Variants in PHIP observed in about 807,000 individuals in gnomAD.
PHIP encodes PHIP subunit of CUL4-Ring ligase complex.
PHIP carries 54 observed loss-of-function variants against 236.8 expected under a neutral mutation model. The observed-to-expected ratio is 0.23, with a 90% CI of 0.18 to 0.29. The LOEUF is 0.29. Among genes scored for constraint, PHIP ranks in the 10% least tolerant of loss-of-function variants. PHIP has a pLI of 1.00. For missense variants in PHIP, 1,370 were observed against 2,190.8 expected, an observed-to-expected ratio of 0.63 and a Z score of 7.48; for synonymous variants, 756 against 718.9, an observed-to-expected ratio of 1.05 and a Z score of -0.83.
chr6:79,013,830 A>G (rs1562179067), intron 15 of PHIP, among the ~76,000 whole-genome samples: 1 of 151,702 alleles, frequency 6.6e-6, no homozygotes. Flanking sequence ...TATAGCTCAC[A>G]TATTATTTTT....
chr6:78,942,911 T>C (rs1773576248), intron 39 of PHIP, among the ~76,000 whole-genome samples: 2 of 152,188 alleles, frequency 1.3e-5, no homozygotes, highest in Admixed American at 6.5e-5. Flanking sequence ...TAAGAATGAA[T>C]GCAGCTTTCT....
At position 78,941,081 on chromosome 6, in the gene PHIP, T is replaced by C. The variant is rs376750610; in HGVS notation, c.5078A>G (p.Asn1693Ser). The C allele has an allele frequency of 1.1e-5, 18 of 1,614,100 alleles. 1 individual carries two copies. The highest frequency in any genetic ancestry group is 7.7e-5 in the South Asian group (7 of 91,080). Residue 1693 changes from asparagine (N) to serine (S), a missense_variant, in exon 40 of 40, where the codon AAT becomes AGT. Around this residue, in one of 14 missense-constraint regions of PHIP, gnomAD observed 309 missense variants for 328.3 expected, o/e 0.94. Transcript: ENST00000275034. ...TACATTATTAGTTTCAGAAAGAAAATTGCATGTTGAAGAAGGAAGTACTTC... is the reference window on the plus strand; with the variant it reads ...TACATTATTAGTTTCAGAAAGAAAACTGCATGTTGAAGAAGGAAGTACTTC... Reference protein sequence around the residue: ...RDEVLPSSTCNFLSETNNVKE... With the variant: ...RDEVLPSSTCSFLSETNNVKE...
At chr6:78,966,960 T>C (rs994311275) in intron 27 of PHIP, among the ~76,000 whole-genome samples, 3 of 152,258 alleles carry the variant, frequency 2.0e-5, no homozygotes, top group Non-Finnish European at 4.4e-5. Flanking sequence ...GAAATGGTGA[T>C]GTCTACCTCC....
At chr6:78,987,719 T>C (rs1285186557) in intron 21 of PHIP, among the ~76,000 whole-genome samples, 1 of 152,200 alleles carries the variant, frequency 6.6e-6, no homozygotes, top group Non-Finnish European at 1.5e-5. Flanking sequence ...GTAAGGACAG[T>C]AATATTTACT....
intron 35 of PHIP, among the ~76,000 whole-genome samples, chr6:78,952,292 G>A (rs942979889): frequency 4.6e-5 from 7 of 151,622 alleles, no homozygotes; most frequent in African/African-American, 1.7e-4. Context: ...GGTGGCATGC[G>A]CCTATAATCC....
rs1773362071 is a variant in PHIP at position 78,938,712 on chromosome 6, A to G, written c.*1981T>C. 1 of 151,716 alleles carries G rather than the reference A, an allele frequency of 6.6e-6. No homozygotes were observed. Among genetic ancestry groups the G allele is most frequent in the African/African-American group, 2.4e-5 (1 of 41,418 alleles). 9.4% of individuals were successfully genotyped at this position (151,716 alleles called of 1,614,324 possible). On this transcript the variant is annotated 3_prime_UTR_variant, in exon 40 of 40. Transcript: ENST00000275034. ...TTTGTTAGAAAAAAATAAATATACAAAAAACCTGAAAAATTTGAAATTATT... is the reference window on the plus strand; with the variant it reads ...TTTGTTAGAAAAAAATAAATATACAGAAAACCTGAAAAATTTGAAATTATT...
chr6:79,039,419 C>A (rs143259763), intron 7 of PHIP, among the ~76,000 whole-genome samples: 1 of 149,324 alleles, frequency 6.7e-6, no homozygotes, highest in East Asian at 2.0e-4. Flanking sequence ...TTTCCCTTAC[C>A]ATCTCCTACC....
intron 27 of PHIP, among the ~76,000 whole-genome samples, chr6:78,969,535 G>A (rs1767381615): frequency 6.6e-6 from 1 of 151,828 alleles, no homozygotes; most frequent in Admixed American, 6.6e-5. Context: ...AGCTTCTTTT[G>A]GCTTCAAATT....
chr6:78,995,403 T>C (rs889499347), intron 19 of PHIP, among the ~76,000 whole-genome samples: 20 of 152,230 alleles, frequency 1.3e-4, no homozygotes, highest in Non-Finnish European at 2.4e-4. Context: ...CTGGGTCATA[T>C]GACAGGCAGT....
chr6:79,048,987 T>C (rs1772650796), intron 6 of PHIP, among the ~76,000 whole-genome samples: 1 of 152,144 alleles, frequency 6.6e-6, no homozygotes, highest in South Asian at 2.1e-4. Context: ...GAATTGGGGG[T>C]ACTCAGACAA....
At chr6:78,978,861 G>T in intron 23 of PHIP, 150 bp from the exon 24 acceptor site, 1 of 526,668 alleles carries the variant, frequency 1.9e-6, no homozygotes, top group Non-Finnish European at 3.0e-6. Context: ...GTGTATCCAT[G>T]GGTTCCACAT....
intron 6 of PHIP, among the ~76,000 whole-genome samples, chr6:79,059,675 C>T (rs970568844): frequency 2.2e-5 from 3 of 134,322 alleles, no homozygotes; most frequent in Non-Finnish European, 4.7e-5. Flanking sequence ...TAATAAGTAT[C>T]CAGAAAAGGA....
At chr6:79,043,147 G>C (rs1772307276) in intron 6 of PHIP, 144 bp from the exon 7 acceptor site, 1 of 629,398 alleles carries the variant, frequency 1.6e-6, no homozygotes, top group Non-Finnish European at 2.7e-6. Flanking sequence ...CTAGTTAAAA[G>C]TCTTTAAAGT....
chr6:78,998,373 C>T lies in PHIP; in HGVS notation c.1898G>A (p.Ser633Asn). ...GCTGATCTCCTGGTTTGCTTGCTGA[C>T]TTAAAACTTGATTCAGTCCTATACA... is the stretch of plus-strand genomic sequence containing the variant. ...VTSSGLNQVL[S>N]QQANQEISPL... Residue 633 changes from serine to asparagine, a missense_variant, in exon 18 of 40, where the codon AGT (serine) becomes AAT (asparagine). Ser to Asn is a conservative substitution (Grantham distance 46). This residue lies in a region of PHIP where 133 missense variants were observed against 245.2 expected (regional missense o/e 0.54). Transcript: ENST00000275034. 6.2e-7 allele frequency: 1 copy of T among 1,613,734 alleles called. No homozygotes were observed. Among genetic ancestry groups the T allele is most frequent in the Non-Finnish European group, 8.5e-7 (1 of 1,179,782 alleles).
rs1380515462 is a variant in PHIP at position 78,945,352 on chromosome 6, A to T, written c.4776T>A (p.Ser1592=). The T allele has an allele frequency of 6.2e-7, 1 of 1,613,832 alleles. No individual in the cohort carries two copies. The highest frequency in any genetic ancestry group is 8.5e-7 in the Non-Finnish European group (1 of 1,179,758). The change falls in exon 39 of 40, where the codon TCT becomes TCA. Residue 1592 remains serine, a synonymous_variant. Coordinates refer to ENST00000275034, the MANE Select transcript of PHIP (RefSeq NM_017934.7). Reference sequence around the variant, plus strand: ...AAAGAGTGGACGCCTTTGGGAGTACAGATGACTTCATTTTACGTTTGACTG... The same window carrying T: ...AAAGAGTGGACGCCTTTGGGAGTACTGATGACTTCATTTTACGTTTGACTG... ...EKPVKRKMKS[S]VLPKASTLSK...
intron 4 of PHIP, among the ~76,000 whole-genome samples, chr6:79,076,788 T>TA (rs924271644): frequency 6.6e-6 from 1 of 152,150 alleles, no homozygotes; most frequent in Non-Finnish European, 1.5e-5. Context: ...TTTAGGGAAT[T>TA]ACAGGCTTTA....
At chr6:79,070,851 A>T (rs531443473) in intron 4 of PHIP, among the ~76,000 whole-genome samples, 6 of 152,316 alleles carry the variant, frequency 3.9e-5, no homozygotes, top group East Asian at 3.9e-4. Context: ...TATTTTAAAA[A>T]TTTTTTATGT....
intron 8 of PHIP, 95 bp downstream of exon 8, chr6:79,025,848 T>C: frequency 2.1e-6 from 2 of 942,234 alleles, no homozygotes; most frequent in Non-Finnish European, 1.6e-6. Flanking sequence ...TAAAAGTAAC[T>C]TCTTAAAATT....
Position 78,988,348 on chromosome 6 carries a change from T to C in PHIP, c.2321A>G (p.Asn774Ser), listed in dbSNP as rs758433912. 6.4e-6 allele frequency: 10 copies of C among 1,571,970 alleles called. No individual in the cohort carries two copies. The African/African-American group carries it at 1.1e-4, about 17-fold the overall frequency. ...ATCCAGGAAATGCTCATGAGCATGA[T>C]TCTAGAAAAAAATAAATTAAATTTA... ...KENKIPTVSK[N>S]HAHEHFLDLG... Residue 774 changes from asparagine (N) to serine (S), a missense_variant and splice_region_variant, in exon 21 of 40, where the codon AAT becomes AGT. By Grantham distance (46) the Asn-to-Ser change is conservative (BLOSUM62 1). This residue lies in a region of PHIP where 99 missense variants were observed against 110.0 expected (regional missense o/e 0.90). Transcript: ENST00000275034.
Sources: gnomAD v4.1 joint callset for allele counts (sites outside exome capture counted in the v4.1 genomes callset) on GRCh38, gnomAD v4.1.1 for gene constraint, gnomAD v4.1.1 regional missense constraint, MANE v1.5 for transcripts, NCBI Gene and HGNC (gene_info 2026-07-23, HGNC 2026-07-21) for gene names.